S100A7: variants seen among roughly 807,000 people sequenced by gnomAD.
S100A7 encodes S100 calcium binding protein A7.
S100A7 carries 2 observed loss-of-function variants against 3.8 expected under a neutral mutation model. The ratio of observed to expected loss-of-function variants is 0.53; its 90% confidence interval spans 0.22 to 1.67. S100A7 has a LOEUF of 1.67. Ranked by LOEUF, S100A7 falls within the 40% of genes most tolerant of loss-of-function variation. The pLI is 0.20. For synonymous variants in S100A7, 55 were observed against 45.9 expected, an observed-to-expected ratio of 1.20 and a Z score of -0.80; for missense variants, 130 against 126.3, an observed-to-expected ratio of 1.03 and a Z score of -0.14.
Position 153,457,802 on chromosome 1 carries a change from T to A in S100A7, c.*4A>T. The A allele has an allele frequency of 6.2e-7, 1 of 1,614,020 alleles. No individual in the cohort carries two copies. The highest frequency in any genetic ancestry group is 8.5e-7 in the Non-Finnish European group (1 of 1,179,930). ...GTCTCTGGAGGCCCATTGGTGGGGC[T>A]GGGTCACTGGCTGCCCCCGGAACAG... On this transcript the variant is annotated 3_prime_UTR_variant, in exon 3 of 3. Coordinates refer to ENST00000368723, the MANE Select transcript of S100A7 (RefSeq NM_002963.4).
chr1:153,458,921 G>A lies in S100A7; in HGVS notation c.93C>T (p.Ser31=). ...TRRDDKIEKP[S]LLTMMKENFP... is the part of the protein sequence containing the mutation. ...AGTTCTCCTTCATCATCGTCAGCAGGCTTGGCTTCTCAATCTTGTCATCAC... is the reference window on the plus strand; with the variant it reads ...AGTTCTCCTTCATCATCGTCAGCAGACTTGGCTTCTCAATCTTGTCATCAC... Residue 31 remains serine (S), a synonymous_variant, in exon 2 of 3, where the codon AGC becomes AGT. Coordinates refer to ENST00000368723, the MANE Select transcript of S100A7 (RefSeq NM_002963.4). The A allele has an allele frequency of 6.2e-7, 1 of 1,614,016 alleles. No homozygotes were observed. Among genetic ancestry groups the A allele is most frequent in the Non-Finnish European group, 8.5e-7 (1 of 1,179,918 alleles).
intron 1 of S100A7, among the ~76,000 whole-genome samples, chr1:153,460,264 T>C (rs3014839): frequency 0.86 from 131,652 of 152,254 alleles, 57,261 homozygotes; most frequent in African/African-American, 0.94. Flanking sequence ...TCTGTGGAGC[T>C]GGAGCTGGGG....
chr1:153,457,842 G>C lies in S100A7; in HGVS notation c.270C>G (p.Ser90Arg). 6.2e-7 allele frequency: 1 copy of C among 1,614,174 alleles called. No homozygotes were observed. The highest frequency in any genetic ancestry group is 2.2e-5 in the East Asian group (1 of 44,884). Residue 90 changes from serine to arginine, a missense_variant, in exon 3 of 3, where the codon AGC becomes AGG. Transcript: ENST00000368723. Reference protein sequence around the residue: ...GDIATDYHKQSHGAAPCSGGS... With the variant: ...GDIATDYHKQRHGAAPCSGGS... ...CCCCGGAACAGGGCGCTGCTCCATGGCTCTGCTTGTGGTAGTCTGTGGCTA... is the reference window on the plus strand; with the variant it reads ...CCCCGGAACAGGGCGCTGCTCCATGCCTCTGCTTGTGGTAGTCTGTGGCTA...
intron 1 of S100A7, among the ~76,000 whole-genome samples, chr1:153,459,427 G>T (rs577983297): frequency 1.6e-4 from 24 of 152,214 alleles, no homozygotes; most frequent in Admixed American, 1.6e-3. Flanking sequence ...CACAGTCGGG[G>T]TGACAGTCAT....
chr1:153,460,567 T>G (rs1162860439), intron 1 of S100A7, 41 bp downstream of exon 1: 15 of 778,346 alleles, frequency 1.9e-5, no homozygotes, highest in Non-Finnish European at 3.4e-5. Context: ...GGCCAGGCAC[T>G]GGGCACTTCT....
chr1:153,458,045 G>A, intron 2 of S100A7, 75 bp from the exon 3 acceptor site: 1 of 1,528,588 alleles, frequency 6.5e-7, no homozygotes, highest in Non-Finnish European at 9.0e-7. Flanking sequence ...AGAGGAGGAG[G>A]CAGAGATACA....
At chr1:153,458,398 G>A (rs1663739107) in intron 2 of S100A7, among the ~76,000 whole-genome samples, 2 of 152,058 alleles carry the variant, frequency 1.3e-5, no homozygotes, top group African/African-American at 4.8e-5. Context: ...CTCATCTTCT[G>A]GGTATCCTAC....
rs544011364 is a variant in S100A7, at chr1:153,460,593, G to A, written c.-18+15C>T. 1.1e-4 allele frequency: 113 copies of A among 1,003,554 alleles called. No individual in the cohort carries two copies. Among genetic ancestry groups the A allele is most frequent in the Non-Finnish European group, 1.6e-4 (102 of 650,500 alleles). 62.2% of individuals were successfully genotyped at this position (1,003,554 alleles called of 1,614,324 possible). A position where few individuals can be genotyped will look rare whatever the true frequency, so the allele number is the denominator to read the frequency against. On this transcript the variant is annotated intron_variant, in intron 1 of 2. Coordinates refer to ENST00000368723, the MANE Select transcript of S100A7 (RefSeq NM_002963.4). ...GGGCACTTCTAGAAAACGCAAAGAGGCAGGTGAGACTTACCAGAGCTGGGA... is the reference window on the plus strand; with the variant it reads ...GGGCACTTCTAGAAAACGCAAAGAGACAGGTGAGACTTACCAGAGCTGGGA...
chr1:153,459,342 T>C (rs1663767218), intron 1 of S100A7, among the ~76,000 whole-genome samples: 1 of 152,142 alleles, frequency 6.6e-6, no homozygotes, highest in Non-Finnish European at 1.5e-5. Context: ...AGAACTAAGC[T>C]GGGACACCCC....
chr1:153,458,672 T>G (rs543760438), intron 2 of S100A7, among the ~76,000 whole-genome samples: 2 of 152,234 alleles, frequency 1.3e-5, no homozygotes, highest in East Asian at 3.9e-4. Flanking sequence ...TTGCTGACCA[T>G]CTAATAACCT....
chr1:153,458,217 GTT>G (rs1236232780), intron 2 of S100A7, among the ~76,000 whole-genome samples: 1 of 152,018 alleles, frequency 6.6e-6, no homozygotes, highest in African/African-American at 2.4e-5. Flanking sequence ...AAGGTGCTCT[GTT>G]AAGTGACCTT....
At chr1:153,460,332 G>A (rs1308059163) in intron 1 of S100A7, among the ~76,000 whole-genome samples, 1 of 152,244 alleles carries the variant, frequency 6.6e-6, no homozygotes, top group Non-Finnish European at 1.5e-5. Context: ...GAAGAGGACA[G>A]GGAGGGTCCT....
Position 153,460,143 on chromosome 1 carries a change from T to A in S100A7, c.-18+465A>T, listed in dbSNP as rs74582152. Among the ~76,000 whole-genome samples the A allele has an allele frequency of 5.3e-5, 8 of 152,314 alleles. No individual in the cohort carries two copies. In the East Asian group the frequency reaches 1.5e-3, roughly 29 times the overall value. On this transcript the variant is annotated intron_variant, in intron 1 of 2. Coordinates refer to ENST00000368723, the MANE Select transcript of S100A7 (RefSeq NM_002963.4). ...ACGGAGCGTTGGTTTCTCAATACCT[T>A]ACCCAGGTAGGGGCAAGCCATCTGG... is the stretch of plus-strand genomic sequence containing the variant.
At position 153,457,747 on chromosome 1, in the gene S100A7, G is replaced by C. The variant is rs1663721443; in HGVS notation, c.*59C>G. On this transcript the variant is annotated 3_prime_UTR_variant, in exon 3 of 3. Coordinates refer to ENST00000368723, the MANE Select transcript of S100A7 (RefSeq NM_002963.4). ...GAAGAAGAAAATAAGGCAAGTGTCTGGTGGGAGAAGACATTTTATTGTTCC... is the reference window on the plus strand; with the variant it reads ...GAAGAAGAAAATAAGGCAAGTGTCTCGTGGGAGAAGACATTTTATTGTTCC... The C allele has an allele frequency of 1.3e-6, 2 of 1,567,840 alleles. No individual in the cohort carries two copies. The highest frequency in any genetic ancestry group is 1.7e-6 in the Non-Finnish European group (2 of 1,152,564).
chr1:153,459,692 A>T (rs1178220007), intron 1 of S100A7: 1 of 151,860 alleles, frequency 6.6e-6, no homozygotes, highest in African/African-American at 2.4e-5. Flanking sequence ...AACAGAAATA[A>T]CTCTCTGGTT....
In S100A7 at chr1:153,459,041, T is replaced by TAAAGACAA. The variant is rs773596738; in HGVS notation, c.-17-19_-17-12dup. 4 of 1,609,270 alleles carry TAAAGACAA rather than the reference T, an allele frequency of 2.5e-6. No homozygotes were observed. The highest frequency in any genetic ancestry group is 3.4e-6 in the Non-Finnish European group (4 of 1,177,186). ...TTGCTTTCAAAAAGCCTTCAGGAAATAAAGACAATCATTTTTTTCCCTTCA... is the reference window on the plus strand; with the variant it reads ...TTGCTTTCAAAAAGCCTTCAGGAAATAAAGACAAAAAGACAATCATTTTTTTCCCTTCA... On this transcript the variant is annotated splice_polypyrimidine_tract_variant and intron_variant, in intron 1 of 2. Coordinates refer to ENST00000368723, the MANE Select transcript of S100A7 (RefSeq NM_002963.4).
At chr1:153,460,146 C>G (rs1028090383) in intron 1 of S100A7, among the ~76,000 whole-genome samples, 1 of 152,174 alleles carries the variant, frequency 6.6e-6, no homozygotes, top group Non-Finnish European at 1.5e-5. Flanking sequence ...AATACCTTAC[C>G]CAGGTAGGGG....
intron 2 of S100A7, among the ~76,000 whole-genome samples, chr1:153,458,290 C>T (rs1163652299): frequency 1.3e-5 from 2 of 152,140 alleles, no homozygotes; most frequent in African/African-American, 4.8e-5. Context: ...AAGGGCACTG[C>T]CTACCTTAGT....
Position 153,460,642 on chromosome 1 carries a change from T to C in S100A7, c.-52A>G. On this transcript the variant is annotated 5_prime_UTR_variant, in exon 1 of 3. Transcript: ENST00000368723. Reference sequence around the variant, plus strand: ...GAAGCGTCACGAGTAGAAGGATGAGTGAGATGTGTGTGTTTGGACAAAGAG... The same window carrying C: ...GAAGCGTCACGAGTAGAAGGATGAGCGAGATGTGTGTGTTTGGACAAAGAG... 1.7e-6 allele frequency: 2 copies of C among 1,169,942 alleles called. No individual in the cohort carries two copies. Among genetic ancestry groups the C allele is most frequent in the Non-Finnish European group, 2.5e-6 (2 of 804,102 alleles). 72.5% of individuals were successfully genotyped at this position (1,169,942 alleles called of 1,614,324 possible).
Sources: allele counts gnomAD v4.1 joint callset (sites outside exome capture counted in the v4.1 genomes callset), GRCh38; gene constraint gnomAD v4.1.1; transcripts MANE v1.5; gene names NCBI Gene and HGNC (gene_info 2026-07-23, HGNC 2026-07-21).